Variants in PIK3CB observed in about 807,000 individuals in gnomAD.
PIK3CB encodes phosphatidylinositol-4,5-bisphosphate 3-kinase catalytic subunit beta.
PIK3CB carries 39 observed loss-of-function variants against 136.8 expected under a neutral mutation model. That is an observed-to-expected ratio of 0.29 (90% CI 0.22 to 0.37). The LOEUF (loss-of-function observed/expected upper bound fraction) is 0.37, where lower values mean the gene tolerates loss of function less well. PIK3CB is among the 10% of genes least tolerant of loss of function. PIK3CB has a pLI of 1.00. For missense variants in PIK3CB, 868 were observed against 1,275.4 expected, an observed-to-expected ratio of 0.68 and a Z score of 4.87; for synonymous variants, 428 against 436.6, an observed-to-expected ratio of 0.98 and a Z score of 0.25.
chr3:138,656,283 G>A lies in PIK3CB; in HGVS notation c.2943-9C>T, dbSNP rs1577033146. On this transcript the variant is annotated splice_polypyrimidine_tract_variant and intron_variant, in intron 22 of 23. Coordinates refer to ENST00000674063, the MANE Select transcript of PIK3CB (RefSeq NM_006219.3). ...CACAACACTGGCGGAACCTTTGGGT[G>A]ATGCAGCAAACCACATGAGCACAGT... The A allele has an allele frequency of 1.2e-6, 2 of 1,614,054 alleles. No homozygotes were observed. The highest frequency in any genetic ancestry group is 8.5e-7 in the Non-Finnish European group (1 of 1,179,960).
chr3:138,822,967 T>C (rs1451626274), intron 1 of PIK3CB, among the ~76,000 whole-genome samples: 1 of 146,168 alleles, frequency 6.8e-6, no homozygotes, highest in Non-Finnish European at 1.5e-5. Flanking sequence ...TATATATATA[T>C]ATATTTGCAG....
intron 8 of PIK3CB, among the ~76,000 whole-genome samples, chr3:138,724,276 T>C (rs1461988379): frequency 6.6e-6 from 1 of 152,192 alleles, no homozygotes; most frequent in East Asian, 1.9e-4. Context: ...TAAAGGATAT[T>C]ACAAAGGATA....
Position 138,671,153 on chromosome 3 carries a change from A to C in PIK3CB, c.2505-5950T>G, listed in dbSNP as rs562102344. On this transcript the variant is annotated intron_variant, in intron 19 of 23. Transcript: ENST00000674063. Reference sequence around the variant, plus strand: ...TTTAATATTTCTGTAACCTTTGTTTAAAACCTCTAGCATTTTAATTTTTAA... The same window carrying C: ...TTTAATATTTCTGTAACCTTTGTTTCAAACCTCTAGCATTTTAATTTTTAA... Among the ~76,000 whole-genome samples the C allele has an allele frequency of 2.0e-5, 3 of 152,316 alleles. No homozygotes were observed. The East Asian group carries it at 5.8e-4, about 29-fold the overall frequency.
chr3:138,692,753 G>A (rs1051048709), intron 14 of PIK3CB, among the ~76,000 whole-genome samples: 3 of 152,056 alleles, frequency 2.0e-5, no homozygotes, highest in South Asian at 4.1e-4. Flanking sequence ...ACTATTTTGT[G>A]GGCTTTTATG....
At chr3:138,672,397 T>C (rs892884462) in intron 19 of PIK3CB, among the ~76,000 whole-genome samples, 1 of 152,182 alleles carries the variant, frequency 6.6e-6, no homozygotes, top group Non-Finnish European at 1.5e-5. Context: ...AACTGGCTGA[T>C]TGTGTGTACA....
intron 4 of PIK3CB, among the ~76,000 whole-genome samples, chr3:138,751,801 T>G (rs926730394): frequency 6.6e-6 from 1 of 151,612 alleles, no homozygotes; most frequent in Non-Finnish European, 1.5e-5. Context: ...CAAAACCCCA[T>G]CTCTACAAAA....
At chr3:138,831,446 C>T (rs187403119) in intron 1 of PIK3CB, among the ~76,000 whole-genome samples, 261 of 151,214 alleles carry the variant, frequency 1.7e-3, no homozygotes, top group Admixed American at 4.9e-3. Flanking sequence ...ATTAGCTGGG[C>T]GTGGTGGCGG....
chr3:138,698,913 A>G lies in PIK3CB; in HGVS notation c.1764T>C (p.Val588=). 1 of 1,588,318 alleles carries G rather than the reference A, an allele frequency of 6.3e-7. No individual in the cohort carries two copies. Among genetic ancestry groups the G allele is most frequent in the South Asian group, 1.1e-5 (1 of 87,540 alleles). The stretch of plus-strand genomic sequence containing the variant: ...AGAAACGATCTTTTGTTACCTGAGC[A>G]ACATCCTCAAGTTTATTCCACTTGA... ...LSIKWNKLED[V]AQLQALLQIW... The change falls in exon 13 of 24, where the codon GTT becomes GTC. Residue 588 remains valine (V), a synonymous_variant. Coordinates refer to ENST00000674063, the MANE Select transcript of PIK3CB (RefSeq NM_006219.3).
chr3:138,789,188 T>C (rs1458818238), intron 2 of PIK3CB, among the ~76,000 whole-genome samples: 2 of 152,080 alleles, frequency 1.3e-5, no homozygotes, highest in African/African-American at 4.8e-5. Flanking sequence ...CAGCATGATA[T>C]TGTTGAGTGC....
At chr3:138,702,241 C>CTTT (rs549125865) in intron 12 of PIK3CB, among the ~76,000 whole-genome samples, 5 of 142,080 alleles carry the variant, frequency 3.5e-5, no homozygotes, top group African/African-American at 1.0e-4. Flanking sequence ...CCAGTTAATA[C>CTTT]TTTTTTTTTT....
At chr3:138,664,111 T>G in intron 20 of PIK3CB, 82 bp from the exon 21 acceptor site, 2 of 1,487,874 alleles carry the variant, frequency 1.3e-6, no homozygotes, top group Non-Finnish European at 1.8e-6. Context: ...TACCTCTGTT[T>G]CCTTTTTAAT....
At chr3:138,746,016 G>A (rs1180106954) in intron 4 of PIK3CB, among the ~76,000 whole-genome samples, 2 of 152,138 alleles carry the variant, frequency 1.3e-5, no homozygotes, top group Non-Finnish European at 2.9e-5. Context: ...GGAGGCCGAG[G>A]TGGGAGGATT....
At chr3:138,718,408 ACTGG>A (rs2044656884) in intron 8 of PIK3CB, among the ~76,000 whole-genome samples, 1 of 152,110 alleles carries the variant, frequency 6.6e-6, no homozygotes, top group African/African-American at 2.4e-5. Flanking sequence ...CCTTATAGAT[ACTGG>A]CTAATAGATC....
chr3:138,699,994 G>A (rs2044215558), intron 12 of PIK3CB, among the ~76,000 whole-genome samples: 1 of 152,024 alleles, frequency 6.6e-6, no homozygotes, highest in South Asian at 2.1e-4. Context: ...TTGAGCCCCG[G>A]AGTTCAAGAA....
intron 19 of PIK3CB, among the ~76,000 whole-genome samples, chr3:138,666,626 A>G (rs1233744357): frequency 2.0e-5 from 3 of 152,136 alleles, no homozygotes; most frequent in Non-Finnish European, 4.4e-5. Context: ...ATTTTCTCTA[A>G]TTTCTATTAT....
chr3:138,654,001 T>C lies in PIK3CB; in HGVS notation c.*1388A>G, dbSNP rs550548629. 3.1e-4 allele frequency: 61 copies of C among 196,720 alleles called. No individual in the cohort carries two copies. The highest frequency in any genetic ancestry group is 5.1e-4 in the Non-Finnish European group (48 of 94,882). 12.2% of individuals were successfully genotyped at this position (196,720 alleles called of 1,614,324 possible). ...AAGTTCCAAAGGCCCAGTCTACCCA[T>C]AAAGAAGAGGCTCACCCATTCCAAG... On this transcript the variant is annotated 3_prime_UTR_variant, in exon 24 of 24. Coordinates refer to ENST00000674063, the MANE Select transcript of PIK3CB (RefSeq NM_006219.3).
chr3:138,795,106 G>T (rs952185725), intron 2 of PIK3CB, among the ~76,000 whole-genome samples: 41 of 151,852 alleles, frequency 2.7e-4, no homozygotes, highest in African/African-American at 9.7e-4. Flanking sequence ...GATCACCTGA[G>T]GTCAGGAGTT....
chr3:138,828,040 G>C (rs1245335303), intron 1 of PIK3CB, among the ~76,000 whole-genome samples: 1 of 151,808 alleles, frequency 6.6e-6, no homozygotes, highest in Non-Finnish European at 1.5e-5. Flanking sequence ...ATAACTCTAG[G>C]GTCTCTGGTT....
At chr3:138,656,538 T>A (rs915032195) in intron 22 of PIK3CB, among the ~76,000 whole-genome samples, 1 of 152,316 alleles carries the variant, frequency 6.6e-6, no homozygotes, top group African/African-American at 2.4e-5. Context: ...GCTATTACAT[T>A]TTTAATAATA....
Sources: gnomAD v4.1 joint callset for allele counts (sites outside exome capture counted in the v4.1 genomes callset) on GRCh38, gnomAD v4.1.1 for gene constraint, MANE v1.5 for transcripts, NCBI Gene and HGNC (gene_info 2026-07-23, HGNC 2026-07-21) for gene names.